THSD7B: variants seen among roughly 807,000 people sequenced by gnomAD.
THSD7B encodes the protein thrombospondin type-1 domain-containing protein 7B.
Under a neutral mutation model 213.6 loss-of-function variants are expected in THSD7B, and 138 were observed. The observed-to-expected ratio is 0.65, with a 90% confidence interval of 0.56 to 0.74. THSD7B has a LOEUF of 0.74. Ranked by LOEUF, THSD7B falls within the 30% of genes least tolerant of loss-of-function variation. THSD7B has a pLI of 0.00. For synonymous variants in THSD7B, 742 were observed against 687.0 expected (o/e 1.08, Z -1.25); for missense variants, 1,931 against 1,991.5 (o/e 0.97, Z 0.58).
chr2:136,899,265 T>G (rs769097986), intron 2 of THSD7B, among the ~76,000 whole-genome samples: 1 of 152,164 alleles, frequency 6.6e-6, no homozygotes, highest in Non-Finnish European at 1.5e-5. Flanking sequence ...TCCCAACCCC[T>G]GGGGGTTAAA....
In THSD7B at chr2:137,095,128, C is replaced by G; in HGVS notation, c.1199+7C>G. ...TTCTGCAGCAATGTCCCAGGTATTA[C>G]GCCTTTATGCCTTCTTTAGTGTGAA... On this transcript the variant is annotated splice_region_variant and intron_variant, in intron 4 of 27. Transcript: ENST00000409968. The G allele has an allele frequency of 6.2e-7, 1 of 1,612,568 alleles. No individual in the cohort carries two copies.
intron 2 of THSD7B, among the ~76,000 whole-genome samples, chr2:136,999,462 CTTG>C (rs752915674): frequency 5.0e-4 from 72 of 143,280 alleles, no homozygotes; most frequent in Non-Finnish European, 7.7e-4. Flanking sequence ...AATTAGGTAT[CTTG>C]TTTTTTTTTT....
At chr2:137,603,329 A>G (rs556701166) in intron 17 of THSD7B, among the ~76,000 whole-genome samples, 7 of 152,330 alleles carry the variant, frequency 4.6e-5, no homozygotes, top group South Asian at 4.1e-4. Flanking sequence ...TTCTGCAGAC[A>G]GCGACTTTAG....
chr2:137,374,988 G>GGTT (rs1401963425), intron 12 of THSD7B, among the ~76,000 whole-genome samples: 1 of 152,170 alleles, frequency 6.6e-6, no homozygotes, highest in East Asian at 1.9e-4. Flanking sequence ...GGAACTCTTT[G>GGTT]GTTGAGACAC....
intron 1 of THSD7B, among the ~76,000 whole-genome samples, chr2:136,766,548 T>C (rs1020397106): frequency 6.6e-6 from 1 of 152,256 alleles, no homozygotes. Context: ...TATTTTGAAG[T>C]TGGAAAACTT....
intron 12 of THSD7B, among the ~76,000 whole-genome samples, chr2:137,281,560 C>A (rs1278854047): frequency 6.6e-6 from 1 of 150,918 alleles, no homozygotes; most frequent in Non-Finnish European, 1.5e-5. Context: ...CCCCCACCCC[C>A]ACCCCACAGC....
intron 6 of THSD7B, among the ~76,000 whole-genome samples, chr2:137,160,843 C>A (rs963128927): frequency 1.3e-5 from 2 of 152,170 alleles, no homozygotes; most frequent in Non-Finnish European, 1.5e-5. Flanking sequence ...AGGCTGGTCT[C>A]GAACTCCTGA....
intron 12 of THSD7B, among the ~76,000 whole-genome samples, chr2:137,345,659 G>A (rs747947162): frequency 3.3e-5 from 5 of 151,508 alleles, no homozygotes; most frequent in Non-Finnish European, 7.4e-5. Flanking sequence ...ACCAAGAAGA[G>A]CAATTAAAGA....
At chr2:137,293,882 C>A (rs1683395271) in intron 12 of THSD7B, among the ~76,000 whole-genome samples, 1 of 152,102 alleles carries the variant, frequency 6.6e-6, no homozygotes, top group Non-Finnish European at 1.5e-5. Flanking sequence ...GTGACTATGT[C>A]TTTAATATTT....
At chr2:137,668,683 C>T (rs967916898) in intron 27 of THSD7B, among the ~76,000 whole-genome samples, 19 of 152,110 alleles carry the variant, frequency 1.2e-4, no homozygotes, top group East Asian at 3.9e-4. Flanking sequence ...ACTAATGGCC[C>T]GCTTTTGATC....
intron 2 of THSD7B, among the ~76,000 whole-genome samples, chr2:136,924,183 G>A (rs1166711409): frequency 1.3e-5 from 2 of 152,170 alleles, no homozygotes; most frequent in Admixed American, 6.5e-5. Context: ...ATGGGTTCAA[G>A]CGATTTTCCT....
intron 1 of THSD7B, among the ~76,000 whole-genome samples, chr2:136,858,138 G>A (rs1015747147): frequency 6.6e-6 from 1 of 152,158 alleles, no homozygotes; most frequent in Non-Finnish European, 1.5e-5. Flanking sequence ...AATAATTAAG[G>A]ATGCAAGTGA....
At chr2:137,616,634 A>G (rs1682392857) in intron 18 of THSD7B, among the ~76,000 whole-genome samples, 1 of 152,196 alleles carries the variant, frequency 6.6e-6, no homozygotes, top group South Asian at 2.1e-4. Flanking sequence ...ATAATTTACC[A>G]TTGAGAGAAG....
intron 17 of THSD7B, among the ~76,000 whole-genome samples, chr2:137,592,681 A>C (rs1681887817): frequency 6.6e-6 from 1 of 151,854 alleles, no homozygotes; most frequent in Non-Finnish European, 1.5e-5. Flanking sequence ...TTTCTGTTTC[A>C]ATTCTAGGAA....
intron 12 of THSD7B, among the ~76,000 whole-genome samples, chr2:137,358,939 T>C (rs2104931658): frequency 6.6e-6 from 1 of 152,330 alleles, no homozygotes; most frequent in Non-Finnish European, 1.5e-5. Flanking sequence ...GCCTGCAGCT[T>C]TGTTAAAAGA....
rs10490737 is a variant in THSD7B at position 137,174,713 on chromosome 2, G to A, written c.1723+3775G>A. ...ATTGCTTAATAGATTGTATAAATGAGTGTTCTTATTTGGAATCTGATTTCC... is the reference window on the plus strand; with the variant it reads ...ATTGCTTAATAGATTGTATAAATGAATGTTCTTATTTGGAATCTGATTTCC... On this transcript the variant is annotated intron_variant, in intron 7 of 27. Coordinates refer to ENST00000409968, the MANE Select transcript of THSD7B (RefSeq NM_001316349.2). Among the ~76,000 whole-genome samples, 838 of 152,252 alleles carry A rather than the reference G, an allele frequency of 5.5e-3. 7 individuals carry two copies. Among genetic ancestry groups the A allele is most frequent in the African/African-American group, 0.019 (769 of 41,558 alleles).
rs1182715108 is a variant in THSD7B, at chr2:137,402,128, G to C, written c.2501-3485G>C. On this transcript the variant is annotated intron_variant, in intron 12 of 27. Coordinates refer to ENST00000409968, the MANE Select transcript of THSD7B (RefSeq NM_001316349.2). ...GCATTTATCAAGCTCTTTAGTGTGAGACATTGTCTTAAGAATTCTCACTAG... is the reference window on the plus strand; with the variant it reads ...GCATTTATCAAGCTCTTTAGTGTGACACATTGTCTTAAGAATTCTCACTAG... Among the ~76,000 whole-genome samples the C allele has an allele frequency of 2.0e-5, 3 of 152,290 alleles. No homozygotes were observed. The East Asian group carries it at 5.8e-4, about 29-fold the overall frequency.
At chr2:137,595,196 A>G (rs930937528) in intron 17 of THSD7B, among the ~76,000 whole-genome samples, 1 of 152,020 alleles carries the variant, frequency 6.6e-6, no homozygotes, top group East Asian at 1.9e-4. Flanking sequence ...AAAATTTCCA[A>G]TTCTCCCCTT....
intron 10 of THSD7B, among the ~76,000 whole-genome samples, chr2:137,257,470 G>T (rs922832164): frequency 1.3e-5 from 2 of 152,080 alleles, no homozygotes; most frequent in African/African-American, 4.8e-5. Context: ...AAAGATCCAG[G>T]GTATCTCACA....
Sources: allele counts gnomAD v4.1 joint callset (sites outside exome capture counted in the v4.1 genomes callset), GRCh38; gene constraint gnomAD v4.1.1; transcripts MANE v1.5; gene names NCBI Gene and HGNC (gene_info 2026-07-23, HGNC 2026-07-21).